Variants in C3orf20 observed in about 807,000 individuals in gnomAD.
The protein encoded by C3orf20 is uncharacterized protein C3orf20.
A neutral mutation model predicts 88.3 loss-of-function variants in C3orf20; 76 were observed. That is an observed-to-expected ratio of 0.86 (90% CI 0.72 to 1.04). The LOEUF is 1.04. Among genes scored for constraint, C3orf20 ranks in the 50% least tolerant of loss-of-function variants. C3orf20 has a pLI of 0.00. For missense variants in C3orf20, 1,056 were observed against 1,123.3 expected, an observed-to-expected ratio of 0.94 and a Z score of 0.86; for synonymous variants, 436 against 437.4, an observed-to-expected ratio of 1.00 and a Z score of 0.04.
intron 4 of C3orf20, among the ~76,000 whole-genome samples, chr3:14,686,466 T>C (rs1344475524): frequency 6.6e-6 from 1 of 152,222 alleles, no homozygotes; most frequent in Non-Finnish European, 1.5e-5. Flanking sequence ...ATACAAGGGT[T>C]TCCTTTTCTC....
At chr3:14,762,914 A>G (rs1370762449) in intron 15 of C3orf20, among the ~76,000 whole-genome samples, 1 of 152,188 alleles carries the variant, frequency 6.6e-6, no homozygotes. Context: ...AGTGACCCCC[A>G]CAACTCAGAG....
Position 14,708,333 on chromosome 3 carries a change from T to G in C3orf20, c.1160+3715T>G, listed in dbSNP as rs547570994. Among the ~76,000 whole-genome samples, 11 of 152,330 alleles carry G rather than the reference T, an allele frequency of 7.2e-5. No individual in the cohort carries two copies. The East Asian group carries it at 2.1e-3, about 29-fold the overall frequency. On this transcript the variant is annotated intron_variant, in intron 7 of 16. Transcript: ENST00000253697. ...GTCAAAAATCAATTGACTGTAGAAC[T>G]ATAGATGTATGGGTTTATTTTTGGA...
rs2032727711 is a variant in C3orf20, at chr3:14,691,482, G to A, written c.745+1366G>A. The stretch of plus-strand genomic sequence containing the variant: ...ATGTCTTGAGCAAGGCTGTTTCAAA[G>A]CAAGAGTTAAATACAGAAGTCCTCC... On this transcript the variant is annotated intron_variant, in intron 5 of 16. Coordinates refer to ENST00000253697, the MANE Select transcript of C3orf20 (RefSeq NM_032137.5). 2.0e-5 allele frequency among the ~76,000 whole-genome samples: 3 copies of A among 152,214 alleles called. No homozygotes were observed. In the South Asian group the frequency reaches 6.2e-4, roughly 31 times the overall value.
chr3:14,736,216 C>T (rs2034703259), intron 12 of C3orf20, among the ~76,000 whole-genome samples: 1 of 151,802 alleles, frequency 6.6e-6, no homozygotes, highest in South Asian at 2.1e-4. Context: ...CATTTTCCTT[C>T]TGTCTGAATA....
At chr3:14,770,116 C>T (rs1201509452) in intron 15 of C3orf20, among the ~76,000 whole-genome samples, 1 of 152,156 alleles carries the variant, frequency 6.6e-6, no homozygotes, top group East Asian at 1.9e-4. Context: ...TCCTGCCCTC[C>T]ACCCTGCCCC....
intron 12 of C3orf20, among the ~76,000 whole-genome samples, chr3:14,733,217 G>A (rs1385673270): frequency 1.3e-5 from 2 of 152,040 alleles, no homozygotes; most frequent in African/African-American, 4.8e-5. Flanking sequence ...TATCTATTGA[G>A]ACAAGCATAC....
At chr3:14,712,818 T>G (rs760943119) in intron 7 of C3orf20, among the ~76,000 whole-genome samples, 2 of 152,234 alleles carry the variant, frequency 1.3e-5, no homozygotes, top group South Asian at 2.1e-4. Flanking sequence ...CCCTTCAGCA[T>G]TTTTTTGCAG....
chr3:14,735,562 T>G (rs1301724368), intron 12 of C3orf20, among the ~76,000 whole-genome samples: 1 of 152,124 alleles, frequency 6.6e-6, no homozygotes. Flanking sequence ...ATTCTATATA[T>G]ATGTTATAAA....
chr3:14,772,030 G>A lies in C3orf20; in HGVS notation c.2496-37G>A, dbSNP rs1280772346. ...TGGGACAGCGTGCAGTGCACCCTGG[G>A]CCCTGAGCACTGCCCCCGACCCTGC... On this transcript the variant is annotated intron_variant, in intron 15 of 16. Transcript: ENST00000253697. This position sits in a 1 kb window ranked among gnomAD's most constrained non-coding sequence, Gnocchi z 4.2. 1 of 1,613,278 alleles carries A rather than the reference G, an allele frequency of 6.2e-7. No homozygotes were observed. Among genetic ancestry groups the A allele is most frequent in the Non-Finnish European group, 8.5e-7 (1 of 1,179,514 alleles).
At chr3:14,684,725 A>T (rs2032305870) in intron 4 of C3orf20, among the ~76,000 whole-genome samples, 1 of 151,846 alleles carries the variant, frequency 6.6e-6, no homozygotes, top group Non-Finnish European at 1.5e-5. Context: ...TAAACACATG[A>T]TAAATGTCAC....
intron 7 of C3orf20, among the ~76,000 whole-genome samples, chr3:14,707,927 C>G (rs2033587479): frequency 6.7e-6 from 1 of 149,284 alleles, no homozygotes; most frequent in African/African-American, 2.5e-5. Flanking sequence ...TCAAGCGATT[C>G]TTCTGCCTTA....
rs1445614999 is a variant in C3orf20 at position 14,760,005 on chromosome 3, C to T, written c.2352+7C>T. 6.8e-6 allele frequency: 11 copies of T among 1,608,460 alleles called. No individual in the cohort carries two copies. Among genetic ancestry groups the T allele is most frequent in the Non-Finnish European group, 8.5e-6 (10 of 1,174,988 alleles). On this transcript the variant is annotated splice_region_variant and intron_variant, in intron 14 of 16. Coordinates refer to ENST00000253697, the MANE Select transcript of C3orf20 (RefSeq NM_032137.5). ...GGTGCAGGGGATGATTCTGGTGAGC[C>T]AGCAGGGACTTGCTATCCACTGCCT...
At chr3:14,736,641 A>G (rs1338059392) in intron 12 of C3orf20, among the ~76,000 whole-genome samples, 1 of 149,304 alleles carries the variant, frequency 6.7e-6, no homozygotes, top group Admixed American at 6.8e-5. Flanking sequence ...GTCTCAGCTC[A>G]CTGCAACCTC....
At chr3:14,679,437 C>T (rs568376574) in intron 1 of C3orf20, among the ~76,000 whole-genome samples, 3 of 152,320 alleles carry the variant, frequency 2.0e-5, no homozygotes, top group African/African-American at 7.2e-5. Context: ...ATTAGAGGTT[C>T]ATTTGCATGT....
At chr3:14,697,268 C>G (rs940036532) in intron 5 of C3orf20, among the ~76,000 whole-genome samples, 2 of 151,996 alleles carry the variant, frequency 1.3e-5, no homozygotes, top group South Asian at 4.2e-4. Flanking sequence ...AACTTTCTAC[C>G]CCTATCTCTT....
Position 14,715,278 on chromosome 3 carries a change from A to G in C3orf20, c.1314-11A>G, listed in dbSNP as rs781740086. 6.2e-7 allele frequency: 1 copy of G among 1,610,390 alleles called. No individual in the cohort carries two copies. The highest frequency in any genetic ancestry group is 1.1e-5 in the South Asian group (1 of 90,602). The stretch of plus-strand genomic sequence containing the variant: ...CCCGGTGGCAGCTACTCACTTCTGT[A>G]TCTCTCCTAGTTGCCCATATGTCTT... On this transcript the variant is annotated splice_polypyrimidine_tract_variant and intron_variant, in intron 8 of 16. Transcript: ENST00000253697.
chr3:14,749,057 A>G (rs1213130526), intron 12 of C3orf20, among the ~76,000 whole-genome samples: 1 of 152,224 alleles, frequency 6.6e-6, no homozygotes, highest in Non-Finnish European at 1.5e-5. Context: ...TAAAGTATCT[A>G]ACTATTACTA....
At chr3:14,769,049 C>T (rs192438009) in intron 15 of C3orf20, among the ~76,000 whole-genome samples, 6 of 152,166 alleles carry the variant, frequency 3.9e-5, no homozygotes, top group Admixed American at 2.0e-4. Flanking sequence ...TTGGTTCATT[C>T]GTTCATTCAC....
chr3:14,689,943 A>G (rs1247234040), intron 4 of C3orf20, 54 bp from the exon 5 acceptor site: 35 of 1,611,658 alleles, frequency 2.2e-5, no homozygotes, highest in Middle Eastern at 1.7e-4. Context: ...ATTTTTGGCT[A>G]ATAAAATTAA....
Sources: gnomAD v4.1 joint callset for allele counts (sites outside exome capture counted in the v4.1 genomes callset) on GRCh38, gnomAD v4.1.1 for gene constraint, Gnocchi (gnomAD v3.1) non-coding constraint, MANE v1.5 for transcripts, NCBI Gene and HGNC (gene_info 2026-07-23, HGNC 2026-07-21) for gene names.